PDE6B: variants seen among roughly 807,000 people sequenced by gnomAD.
The protein encoded by PDE6B is phosphodiesterase 6B.
Under a neutral mutation model 109.0 loss-of-function variants are expected in PDE6B, and 106 were observed. The observed-to-expected ratio is 0.97, with a 90% CI of 0.83 to 1.14. PDE6B has a LOEUF of 1.14. PDE6B is among the 50% of genes most tolerant of loss of function. The probability of loss-of-function intolerance (pLI) is 0.00; values close to 1 mark genes in which losing one functional copy is unlikely to be tolerated. For missense variants in PDE6B, 1,193 were observed against 1,155.6 expected (o/e 1.03, Z -0.47); for synonymous variants, 490 against 471.3 (o/e 1.04, Z -0.51).
intron 5 of PDE6B, chr4:654,560 C>T (rs1735970005): frequency 8.3e-6 from 5 of 605,036 alleles, no homozygotes; most frequent in East Asian, 2.8e-5. Flanking sequence ...GCGTGTGATG[C>T]GTGTCCCGTG....
At chr4:627,937 G>A (rs1171585830) in intron 1 of PDE6B, among the ~76,000 whole-genome samples, 3 of 151,848 alleles carry the variant, frequency 2.0e-5, no homozygotes, top group Admixed American at 1.3e-4. Flanking sequence ...CCGTCCCTCG[G>A]CCTGGCCTGT....
chr4:665,084 C>A lies in PDE6B; in HGVS notation c.2193+140C>A. ...CCACCTCGGGGCCAGGCCAGGGCGG[C>A]AAGGATGGGGGTACTGCAGTGTGTC... is the stretch of plus-strand genomic sequence containing the variant. On this transcript the variant is annotated intron_variant, in intron 18 of 21. Coordinates refer to ENST00000496514, the MANE Select transcript of PDE6B (RefSeq NM_000283.4). The surrounding 1 kb of genome is among the most constrained non-coding windows in gnomAD (Gnocchi z 4.0). 1 of 841,840 alleles carries A rather than the reference C, an allele frequency of 1.2e-6. No homozygotes were observed. Among genetic ancestry groups the A allele is most frequent in the Non-Finnish European group, 2.0e-6 (1 of 495,822 alleles). 52.1% of individuals were successfully genotyped at this position (841,840 alleles called of 1,614,324 possible).
rs775472684 is a variant in PDE6B, at chr4:625,867, C to T, written c.241C>T (p.Arg81Trp). ...GGAGCGCGTGGTCTTCAAGGTCCTG[C>T]GGCGCCTCTGCACCCTCCTGCAGGC... ...NMERVVFKVL[R>W]RLCTLLQADR... The change falls in exon 1 of 22, where the codon CGG (arginine) becomes TGG (tryptophan). Residue 81 changes from arginine to tryptophan, a missense_variant. Coordinates refer to ENST00000496514, the MANE Select transcript of PDE6B (RefSeq NM_000283.4). The surrounding 1 kb of genome is among the most constrained non-coding windows in gnomAD (Gnocchi z 5.0). 1.4e-5 allele frequency: 22 copies of T among 1,609,814 alleles called. No individual in the cohort carries two copies. The highest frequency in any genetic ancestry group is 3.4e-5 in the Admixed American group (2 of 59,580).
At chr4:634,938 C>G (rs1376020378) in intron 2 of PDE6B, 109 bp downstream of exon 2, 1 of 872,812 alleles carries the variant, frequency 1.1e-6, no homozygotes, top group African/African-American at 1.7e-5. Flanking sequence ...CCCGCCTGCC[C>G]GTGTGTTCTC....
intron 3 of PDE6B, among the ~76,000 whole-genome samples, chr4:639,107 G>A (rs190861587): frequency 1.3e-5 from 2 of 152,006 alleles, no homozygotes; most frequent in African/African-American, 4.8e-5. Flanking sequence ...GGCAGGAAAG[G>A]CACCGTGATT....
chr4:660,830 G>C lies in PDE6B; in HGVS notation c.1614+217G>C, dbSNP rs746406688. ...AAAACAAATAATTGGATGGCTGGGT[G>C]GATGGCTGGATTGATGGATGGCTGG... On this transcript the variant is annotated intron_variant, in intron 12 of 21. Transcript: ENST00000496514. Among the ~76,000 whole-genome samples the C allele has an allele frequency of 9.3e-4, 141 of 151,708 alleles. 1 individual carries two copies. Among genetic ancestry groups the C allele is most frequent in the Non-Finnish European group, 3.5e-4 (24 of 68,006 alleles).
At chr4:656,738 C>A in intron 8 of PDE6B, 136 bp from the exon 9 acceptor site, 1 of 739,120 alleles carries the variant, frequency 1.4e-6, no homozygotes. Context: ...AGAGGGAATG[C>A]AGAGAGCAGA....
rs1028955770 is a variant in PDE6B, at chr4:652,467, G to A, written c.712-1385G>A. 1.4e-5 allele frequency: 14 copies of A among 983,712 alleles called. No homozygotes were observed. In the African/African-American group the frequency reaches 1.7e-4, roughly 12 times the overall value. 60.9% of individuals were successfully genotyped at this position (983,712 alleles called of 1,614,324 possible). On this transcript the variant is annotated intron_variant, in intron 3 of 21. Transcript: ENST00000496514. Reference sequence around the variant, plus strand: ...AGACGTTGGTGAAAGGGTGCAAAGCGTTCGTTAGCTGGAGCTGTGGGCTTC... The same window carrying A: ...AGACGTTGGTGAAAGGGTGCAAAGCATTCGTTAGCTGGAGCTGTGGGCTTC...
chr4:656,736 TGCAGAGA>T (rs1283512533), intron 8 of PDE6B, 131 bp from the exon 9 acceptor site: 2 of 732,940 alleles, frequency 2.7e-6, no homozygotes, highest in Non-Finnish European at 4.8e-6. Flanking sequence ...AGAGAGGGAA[TGCAGAGA>T]GCAGAGACAG....
At position 663,796 on chromosome 4, in the gene PDE6B, C is replaced by G. The variant is rs776789430; in HGVS notation, c.1947C>G (p.Asn649Lys). 2.5e-5 allele frequency: 40 copies of G among 1,612,086 alleles called. No homozygotes were observed. The highest frequency in any genetic ancestry group is 3.3e-5 in the Non-Finnish European group (39 of 1,179,272). The part of the protein sequence containing the change: ...EETLNIYQNL[N>K]RRQHEHVIHL... ...CCCTGAACATCTACCAGAACCTGAA[C>G]CGGCGGCAGCACGAGCACGTGATCC... Residue 649 changes from asparagine to lysine, a missense_variant, in exon 16 of 22, where the codon AAC (asparagine) becomes AAG (lysine). Asn to Lys is a moderately conservative substitution (Grantham distance 94, BLOSUM62 0). Transcript: ENST00000496514. This position sits in a 1 kb window ranked among gnomAD's most constrained non-coding sequence, Gnocchi z 4.0.
In PDE6B at chr4:659,640, ATG is replaced by A. The variant is rs1270724065; in HGVS notation, c.1467+630_1467+631del. On this transcript the variant is annotated intron_variant, in intron 11 of 21. Coordinates refer to ENST00000496514, the MANE Select transcript of PDE6B (RefSeq NM_000283.4). ...TGTATGAATGTGCACATGTGTACAC[ATG>A]TGTGTGCACATGTGTGCCCACGAGT... Among the ~76,000 whole-genome samples, 32 of 146,358 alleles carry A rather than the reference ATG, an allele frequency of 2.2e-4. No individual in the cohort carries two copies. In the East Asian group the frequency reaches 7.1e-3, roughly 32 times the overall value.
At chr4:635,002 T>C (rs879071608) in intron 2 of PDE6B, among the ~76,000 whole-genome samples, 173 bp downstream of exon 2, 40 of 114,480 alleles carry the variant, frequency 3.5e-4, no homozygotes, top group South Asian at 6.9e-4. Context: ...GCTGCGTGTC[T>C]GCCTCCTTAC....
intron 10 of PDE6B, among the ~76,000 whole-genome samples, chr4:657,739 G>A (rs1220041494): frequency 6.8e-6 from 1 of 147,702 alleles, no homozygotes; most frequent in African/African-American, 2.5e-5. Flanking sequence ...GCGGGGGCAG[G>A]GCATCCAGGG....
In PDE6B at chr4:634,773, G is replaced by C. The variant is rs1270994327; in HGVS notation, c.565G>C (p.Val189Leu). The C allele has an allele frequency of 6.2e-7, 1 of 1,613,808 alleles. No individual in the cohort carries two copies. Among genetic ancestry groups the C allele is most frequent in the East Asian group, 2.2e-5 (1 of 44,874 alleles). The change falls in exon 2 of 22, where the codon GTG (valine) becomes CTG (leucine). Residue 189 changes from valine (V) to leucine (L), a missense_variant. Physicochemically the swap from Val to Leu is conservative, Grantham distance 32. Coordinates refer to ENST00000496514, the MANE Select transcript of PDE6B (RefSeq NM_000283.4). ...CATGAATGGCAAAGACGTCGTGGCG[G>C]TGATCATGGCAGTGAACAAGCTCAA... ...PIMNGKDVVA[V>L]IMAVNKLNGP...
At position 636,377 on chromosome 4, in the gene PDE6B, G is replaced by C. The variant is rs989976113; in HGVS notation, c.711+408G>C. 3.9e-5 allele frequency among the ~76,000 whole-genome samples: 6 copies of C among 152,148 alleles called. No individual in the cohort carries two copies. Among genetic ancestry groups the C allele is most frequent in the Non-Finnish European group, 8.8e-5 (6 of 68,006 alleles). On this transcript the variant is annotated intron_variant, in intron 3 of 21. Transcript: ENST00000496514. This position sits in a 1 kb window ranked among gnomAD's most constrained non-coding sequence, Gnocchi z 4.5. The stretch of plus-strand genomic sequence containing the variant: ...CTGACTGAGAGAGGGTGTAGGGGCA[G>C]GTCCGGCCCTGGCTGAGAGAGGGTA...
In PDE6B at chr4:626,136, T is replaced by A; in HGVS notation, c.468+42T>A. 8.3e-7 allele frequency: 1 copy of A among 1,201,288 alleles called. No homozygotes were observed. Among genetic ancestry groups the A allele is most frequent in the Non-Finnish European group, 1.2e-6 (1 of 832,296 alleles). 74.4% of individuals were successfully genotyped at this position (1,201,288 alleles called of 1,614,324 possible). Reference sequence around the variant, plus strand: ...CCTCAGGGAGGCGGCTGTGTGCATCTCTTGCACCTGTCCCAGGTGTCTAAG... The same window carrying A: ...CCTCAGGGAGGCGGCTGTGTGCATCACTTGCACCTGTCCCAGGTGTCTAAG... On this transcript the variant is annotated intron_variant, in intron 1 of 21. Transcript: ENST00000496514. This position sits in a 1 kb window ranked among gnomAD's most constrained non-coding sequence, Gnocchi z 4.6.
In PDE6B at chr4:653,897, A is replaced by G. The variant is rs748364111; in HGVS notation, c.757A>G (p.Ile253Val). 4 of 1,613,720 alleles carry G rather than the reference A, an allele frequency of 2.5e-6. No individual in the cohort carries two copies. The highest frequency in any genetic ancestry group is 1.3e-5 in the African/African-American group (1 of 74,914). The change falls in exon 4 of 22, where the codon ATC becomes GTC. Residue 253 changes from isoleucine (I) to valine (V), a missense_variant. By Grantham distance (29) the Ile-to-Val change is conservative. Transcript: ENST00000496514. Reference sequence around the variant, plus strand: ...CAAGGTGTTTGAGGAGCTGACGGACATCGAGAGGCAGTTCCACAAGGCCTT... The same window carrying G: ...CAAGGTGTTTGAGGAGCTGACGGACGTCGAGAGGCAGTTCCACAAGGCCTT... The part of the protein sequence containing the change: ...ANKVFEELTD[I>V]ERQFHKAFYT...
At position 656,380 on chromosome 4, in the gene PDE6B, C is replaced by A. The variant is rs1429099811; in HGVS notation, c.1107+88C>A. 4 of 962,924 alleles carry A rather than the reference C, an allele frequency of 4.2e-6. No individual in the cohort carries two copies. In the East Asian group the frequency reaches 7.2e-5, roughly 17 times the overall value. The allele number at this position is 962,924 out of a possible 1,614,324, so 59.6% of individuals were successfully genotyped here. ...GATGATGAAGTGAATTCGTTTTTGCCACTTAAAAAACAACTTCAGCCAGGC... is the reference window on the plus strand; with the variant it reads ...GATGATGAAGTGAATTCGTTTTTGCAACTTAAAAAACAACTTCAGCCAGGC... On this transcript the variant is annotated intron_variant, in intron 8 of 21. Coordinates refer to ENST00000496514, the MANE Select transcript of PDE6B (RefSeq NM_000283.4).
intron 21 of PDE6B, 128 bp from the exon 22 acceptor site, chr4:669,918 C>G: frequency 1.3e-6 from 1 of 791,850 alleles, no homozygotes; most frequent in Admixed American, 1.7e-5. Context: ...TCGGCTTGGG[C>G]TGGTCACAGA....
Sources: gnomAD v4.1 joint callset for allele counts (sites outside exome capture counted in the v4.1 genomes callset) on GRCh38, gnomAD v4.1.1 for gene constraint, Gnocchi (gnomAD v3.1) non-coding constraint, MANE v1.5 for transcripts, NCBI Gene and HGNC (gene_info 2026-07-23, HGNC 2026-07-21) for gene names.